Variants in PHF24 observed in about 807,000 individuals in gnomAD.
PHF24 encodes Galpha inhibitory interacting protein.
A neutral mutation model predicts 42.6 loss-of-function variants in PHF24; 25 were observed. The observed-to-expected ratio is 0.59, with a 90% CI of 0.43 to 0.82. The LOEUF (loss-of-function observed/expected upper bound fraction) is 0.82, where lower values mean the gene tolerates loss of function less well. PHF24 is among the 40% of genes least tolerant of loss of function. PHF24 has a pLI of 0.00. For synonymous variants in PHF24, 185 were observed against 204.8 expected, an observed-to-expected ratio of 0.90 and a Z score of 0.83; for missense variants, 470 against 538.1, an observed-to-expected ratio of 0.87 and a Z score of 1.25.
At chr9:34,917,173 C>G in the PHF24 span, 5 of 1,396,790 alleles carry the variant, frequency 3.6e-6, no homozygotes, top group Non-Finnish European at 5.1e-6. Context: ...ACACCTTCCA[C>G]CATGACCACC....
chr9:34,696,536 G>C, the PHF24 span, among the ~76,000 whole-genome samples: 1 of 150,716 alleles, frequency 6.6e-6, no homozygotes, highest in East Asian at 1.9e-4. Context: ...TAACTCAAAT[G>C]GAAGTCTTAA....
At chr9:34,919,973 T>C in the PHF24 span, among the ~76,000 whole-genome samples, 7 of 152,216 alleles carry the variant, frequency 4.6e-5, no homozygotes, top group African/African-American at 1.4e-4. Flanking sequence ...CTTAGTTTGG[T>C]TCCAAATCTT....
At chr9:34,957,380 A>G (rs963275858), upstream of PHF24, among the ~76,000 whole-genome samples, 3 of 152,234 alleles carry the variant, frequency 2.0e-5, no homozygotes, top group Non-Finnish European at 4.4e-5. Flanking sequence ...TATCATTTGC[A>G]TATCTTCAAT....
At chr9:34,912,520 GA>G in the PHF24 span, among the ~76,000 whole-genome samples, 5 of 151,730 alleles carry the variant, frequency 3.3e-5, no homozygotes, top group South Asian at 4.2e-4. Context: ...CAGAACACAT[GA>G]AAAAAAACAC....
chr9:34,918,426 A>T, the PHF24 span: 20 of 512,724 alleles, frequency 3.9e-5, no homozygotes, highest in African/African-American at 3.9e-4. Context: ...AAAAAAAATC[A>T]TGGGGAATTT....
At chr9:34,842,231 G>A in the PHF24 span, among the ~76,000 whole-genome samples, 1 of 152,062 alleles carries the variant, frequency 6.6e-6, no homozygotes, top group African/African-American at 2.4e-5. Flanking sequence ...TTAACCATTC[G>A]GTAGTTGATA....
chr9:34,978,309 AG>A (rs1297528050), exon 8 of PHF24: 1 of 546,110 alleles, frequency 1.8e-6, no homozygotes, highest in Non-Finnish European at 3.3e-6. Flanking sequence ...CACAAGGAGA[AG>A]CCCTGGGAGC....
chr9:34,747,807 CAA>C, the PHF24 span, among the ~76,000 whole-genome samples: 2 of 151,990 alleles, frequency 1.3e-5, no homozygotes, highest in African/African-American at 4.8e-5. Flanking sequence ...GATTTATACT[CAA>C]GAGAAACACA....
chr9:34,857,929 C>A, the PHF24 span, among the ~76,000 whole-genome samples: 4 of 143,058 alleles, frequency 2.8e-5, no homozygotes, highest in Non-Finnish European at 6.1e-5. Context: ...AAATTTCTAA[C>A]TTTGGTTATT....
the PHF24 span, among the ~76,000 whole-genome samples, chr9:34,884,931 G>A: frequency 1.2e-4 from 18 of 152,146 alleles, no homozygotes; most frequent in Non-Finnish European, 2.9e-5. Flanking sequence ...AAATCTGCTG[G>A]GGCATGTAGG....
At chr9:34,710,466 C>CTTT in the PHF24 span, among the ~76,000 whole-genome samples, 167 of 117,408 alleles carry the variant, frequency 1.4e-3, 1 homozygote, top group East Asian at 7.3e-3. Context: ...TGTAAGAGTT[C>CTTT]TTTTTTTTTT....
the PHF24 span, among the ~76,000 whole-genome samples, chr9:34,735,735 G>A: frequency 6.6e-6 from 1 of 151,870 alleles, no homozygotes; most frequent in Non-Finnish European, 1.5e-5. Context: ...GGTAGCGGAG[G>A]TTGCAGTGAG....
the PHF24 span, among the ~76,000 whole-genome samples, chr9:34,763,389 G>A: frequency 9.2e-5 from 14 of 152,056 alleles, no homozygotes; most frequent in African/African-American, 3.4e-4. Context: ...AGTGGTTGTA[G>A]TTCTCCCTGA....
the PHF24 span, among the ~76,000 whole-genome samples, chr9:34,908,088 G>C: frequency 6.6e-6 from 1 of 152,036 alleles, no homozygotes; most frequent in African/African-American, 2.4e-5. Context: ...TGATCTGCCC[G>C]CCTCGGCCTC....
chr9:34,789,505 G>T, the PHF24 span, among the ~76,000 whole-genome samples: 3 of 152,204 alleles, frequency 2.0e-5, no homozygotes, highest in African/African-American at 7.2e-5. Flanking sequence ...CATCTTGGCT[G>T]GGCTTTGATG....
chr9:34,826,399 C>T, the PHF24 span, among the ~76,000 whole-genome samples: 8 of 152,228 alleles, frequency 5.3e-5, no homozygotes, highest in Admixed American at 5.2e-4. Context: ...AGACCATGGG[C>T]TCCAGAGGCC....
the PHF24 span, among the ~76,000 whole-genome samples, chr9:34,774,199 T>C: frequency 1.3e-5 from 2 of 152,222 alleles, no homozygotes; most frequent in Admixed American, 6.5e-5. Flanking sequence ...ATTTCTTGGC[T>C]ATGACACCAA....
At chr9:34,895,519 T>G in the PHF24 span, 1 of 398,366 alleles carries the variant, frequency 2.5e-6, no homozygotes, top group Admixed American at 4.4e-5. Context: ...AAGAGAAAGC[T>G]CGGGGATAAA....
At chr9:34,786,796 T>C in the PHF24 span, among the ~76,000 whole-genome samples, 5 of 152,238 alleles carry the variant, frequency 3.3e-5, no homozygotes, top group Non-Finnish European at 7.3e-5. Flanking sequence ...CTGAGACTCA[T>C]GCTTCAGGTC....
Sources: gnomAD v4.1 joint callset for allele counts (sites outside exome capture counted in the v4.1 genomes callset) on GRCh38, gnomAD v4.1.1 for gene constraint, MANE v1.5 for transcripts, NCBI Gene and HGNC (gene_info 2026-07-23, HGNC 2026-07-21) for gene names.